The following TNR variants were observed in gnomAD, a reference collection of about 807,000 sequenced individuals.
TNR encodes the protein tenascin-R.
Under a neutral mutation model 150.4 loss-of-function variants are expected in TNR, and 45 were observed. The ratio of observed to expected loss-of-function variants is 0.30; its 90% CI spans 0.24 to 0.38. The LOEUF is 0.38. TNR is among the 10% of genes least tolerant of loss of function. The pLI, the probability that TNR is intolerant of heterozygous loss-of-function variation, is 1.00. For missense variants in TNR, 1,544 were observed against 1,759.1 expected (o/e 0.88, Z 2.19); for synonymous variants, 687 against 678.4 (o/e 1.01, Z -0.20).
At chr1:175,656,196 G>GTGTGTGTGTGTGT (rs1571720618) in intron 1 of TNR, among the ~76,000 whole-genome samples, 2 of 145,696 alleles carry the variant, frequency 1.4e-5, no homozygotes, top group Admixed American at 6.8e-5. Flanking sequence ...GTGTGTATGT[G>GTGTGTGTGTGTGT]GTCTACCTTT....
intron 6 of TNR, 55 bp from the exon 7 acceptor site, chr1:175,391,493 C>A: frequency 1.3e-6 from 2 of 1,571,844 alleles, no homozygotes; most frequent in South Asian, 1.2e-5. Flanking sequence ...GGAGAGAAAT[C>A]TGATGAGAGA....
chr1:175,476,618 C>T (rs2102123678), intron 2 of TNR, among the ~76,000 whole-genome samples: 1 of 152,332 alleles, frequency 6.6e-6, no homozygotes, highest in South Asian at 2.1e-4. Flanking sequence ...CCCCATCCTC[C>T]CAAAGCTACA....
intron 1 of TNR, among the ~76,000 whole-genome samples, chr1:175,587,400 C>G (rs932106962): frequency 6.6e-6 from 1 of 152,236 alleles, no homozygotes; most frequent in Non-Finnish European, 1.5e-5. Context: ...TCCTTTTGAG[C>G]TTCAGTTTTC....
At chr1:175,732,218 A>C (rs1013257744) in intron 1 of TNR, among the ~76,000 whole-genome samples, 1 of 152,208 alleles carries the variant, frequency 6.6e-6, no homozygotes, top group African/African-American at 2.4e-5. Flanking sequence ...CTGGACCATC[A>C]TTTCAGAATC....
chr1:175,386,156 C>G lies in TNR; in HGVS notation c.1653G>C (p.Arg551=), dbSNP rs752380382. The G allele has an allele frequency of 1.2e-6, 2 of 1,612,844 alleles. No homozygotes were observed. The highest frequency in any genetic ancestry group is 1.3e-5 in the African/African-American group (1 of 74,884). Reference sequence around the variant, plus strand: ...AGTATTGGCTCAGGGGAGGCTGCAGCCGGAAGGTGGTCCTCCCACCTTCCC... The same window carrying G: ...AGTATTGGCTCAGGGGAGGCTGCAGGCGGAAGGTGGTCCTCCCACCTTCCC... The part of the protein sequence containing the change: ...VGGEGGRTTF[R]LQPPLSQYSV... The change falls in exon 8 of 23, where the codon CGG becomes CGC. Residue 551 remains arginine (R), a synonymous_variant. Transcript: ENST00000367674.
At chr1:175,653,006 G>T (rs953989027) in intron 1 of TNR, among the ~76,000 whole-genome samples, 2 of 152,180 alleles carry the variant, frequency 1.3e-5, no homozygotes, top group East Asian at 1.9e-4. Flanking sequence ...CACCTATAAA[G>T]TTGGCAAACA....
At chr1:175,536,567 GCCT>G (rs1660294792) in intron 1 of TNR, among the ~76,000 whole-genome samples, 1 of 152,210 alleles carries the variant, frequency 6.6e-6, no homozygotes, top group Admixed American at 6.5e-5. Context: ...GATCCAGATG[GCCT>G]CCTTTGTCCT....
chr1:175,598,360 C>T (rs1273705897), intron 1 of TNR, among the ~76,000 whole-genome samples: 1 of 152,194 alleles, frequency 6.6e-6, no homozygotes, highest in Non-Finnish European at 1.5e-5. Flanking sequence ...TGATCAAGAT[C>T]ACTTCATTAG....
chr1:175,641,590 C>T (rs1391043873), intron 1 of TNR, among the ~76,000 whole-genome samples: 1 of 152,168 alleles, frequency 6.6e-6, no homozygotes, highest in African/African-American at 2.4e-5. Flanking sequence ...GGCTGCTCCA[C>T]AGTGCAGTGA....
intron 1 of TNR, among the ~76,000 whole-genome samples, chr1:175,577,304 G>T (rs1449232774): frequency 6.6e-6 from 1 of 152,122 alleles, no homozygotes; most frequent in Non-Finnish European, 1.5e-5. Flanking sequence ...ACTTTTCTTT[G>T]TCCTTGGGAT....
At chr1:175,382,269 C>T (rs868547467) in intron 8 of TNR, among the ~76,000 whole-genome samples, 2 of 152,082 alleles carry the variant, frequency 1.3e-5, no homozygotes, top group Admixed American at 6.6e-5. Context: ...GGTAGGTGTT[C>T]GATAAGCACA....
intron 2 of TNR, among the ~76,000 whole-genome samples, chr1:175,453,257 C>T (rs1656404676): frequency 1.3e-5 from 2 of 152,076 alleles, no homozygotes; most frequent in South Asian, 4.1e-4. Flanking sequence ...CCCACTAATG[C>T]CTCATCCGGA....
At chr1:175,646,794 C>T (rs1467601613) in intron 1 of TNR, among the ~76,000 whole-genome samples, 43 of 152,246 alleles carry the variant, frequency 2.8e-4, no homozygotes, top group Admixed American at 2.8e-3. Context: ...TTCCACCACT[C>T]CTTACTGTCT....
At position 175,339,419 on chromosome 1, in the gene TNR, A is replaced by G. The variant is rs575628057; in HGVS notation, c.3383-1740T>C. On this transcript the variant is annotated intron_variant, in intron 18 of 22. Coordinates refer to ENST00000367674, the MANE Select transcript of TNR (RefSeq NM_003285.3). Reference sequence around the variant, plus strand: ...TGCAGAAAAGCTAACTGTCATCTGCAGAGTGTCCTAGAACTCTTCATAGTT... The same window carrying G: ...TGCAGAAAAGCTAACTGTCATCTGCGGAGTGTCCTAGAACTCTTCATAGTT... 4.6e-5 allele frequency among the ~76,000 whole-genome samples: 7 copies of G among 152,364 alleles called. No individual in the cohort carries two copies. The East Asian group carries it at 1.2e-3, about 25-fold the overall frequency.
At chr1:175,335,620 G>T in intron 20 of TNR, 91 bp downstream of exon 20, 1 of 1,285,162 alleles carries the variant, frequency 7.8e-7, no homozygotes, top group Non-Finnish European at 1.1e-6. Flanking sequence ...CAAACACAGG[G>T]TTTCTGATAA....
intron 8 of TNR, among the ~76,000 whole-genome samples, chr1:175,383,098 A>G (rs2102028539): frequency 6.6e-6 from 1 of 152,036 alleles, no homozygotes; most frequent in East Asian, 1.9e-4. Flanking sequence ...CATCTTCACT[A>G]TGGTGTTCTT....
At chr1:175,548,357 T>C (rs562777812) in intron 1 of TNR, among the ~76,000 whole-genome samples, 10 of 152,232 alleles carry the variant, frequency 6.6e-5, no homozygotes, top group Admixed American at 2.0e-4. Flanking sequence ...AGACATGCCC[T>C]GCTGCTACTC....
At chr1:175,362,900 G>A (rs1651668484) in intron 13 of TNR, 91 bp from the exon 14 acceptor site, 1 of 1,499,696 alleles carries the variant, frequency 6.7e-7, no homozygotes, top group Admixed American at 1.7e-5. Flanking sequence ...GCACAGATGG[G>A]TGTGGGACTC....
Position 175,391,381 on chromosome 1 carries a change from TC to T in TNR, c.1413del (p.Thr472GlnfsTer3), listed in dbSNP as rs1653160418. The T allele has an allele frequency of 6.2e-7, 1 of 1,614,044 alleles. No individual in the cohort carries two copies. Among genetic ancestry groups the T allele is most frequent in the Non-Finnish European group, 8.5e-7 (1 of 1,180,038 alleles). On this transcript the variant is annotated frameshift_variant, in exon 7 of 23. Transcript: ENST00000367674. LOFTEE classifies it high-confidence loss of function. ...TATTCCTCCCCAGGCTTTAGTCCTGTCTGGTTAAAGGACGTAACATCGCTGG... is the reference window on the plus strand; with the variant it reads ...TATTCCTCCCCAGGCTTTAGTCCTGTTGGTTAAAGGACGTAACATCGCTGG... ...QVPSDVTSFN[Q>X]TGLKPGEEYI...
Sources: gnomAD v4.1 joint callset for allele counts (sites outside exome capture counted in the v4.1 genomes callset) on GRCh38, gnomAD v4.1.1 for gene constraint, MANE v1.5 for transcripts, NCBI Gene and HGNC (gene_info 2026-07-23, HGNC 2026-07-21) for gene names.